The following SARAF variants were observed in gnomAD, a reference collection of about 807,000 sequenced individuals.
SARAF encodes store-operated calcium entry associated regulatory factor.
Under a neutral mutation model 39.7 loss-of-function variants are expected in SARAF, and 23 were observed. The observed-to-expected ratio is 0.58, with a 90% CI of 0.42 to 0.82. SARAF has a LOEUF of 0.82. Among genes scored for constraint, SARAF ranks in the 40% least tolerant of loss-of-function variants. The pLI, the probability that SARAF is intolerant of heterozygous loss-of-function variation, is 0.00. For missense variants in SARAF, 384 were observed against 418.5 expected (o/e 0.92, Z 0.72); for synonymous variants, 175 against 168.5 (o/e 1.04, Z -0.30).
At chr8:30,076,626 TGCAACAGTGTTGAA>T (rs1006129134) in intron 1 of SARAF, among the ~76,000 whole-genome samples, 5 of 152,234 alleles carry the variant, frequency 3.3e-5, no homozygotes, top group African/African-American at 1.2e-4. Context: ...TAATCCCCAA[TGCAACAGTGTTGAA>T]AGATGGAATC....
upstream of SARAF, chr8:30,083,091 C>T: frequency 1.7e-6 from 1 of 572,080 alleles, no homozygotes; most frequent in Non-Finnish European, 3.0e-6. Context: ...GCAGCCGCAA[C>T]GGATCCGTGC....
intron 2 of SARAF, among the ~76,000 whole-genome samples, chr8:30,073,359 C>CAA (rs1801887171): frequency 6.6e-6 from 1 of 152,152 alleles, no homozygotes; most frequent in African/African-American, 2.4e-5. Flanking sequence ...ATGCTCTGCT[C>CAA]GTATACAAAA....
chr8:30,081,010 A>C (rs2117446534), intron 1 of SARAF, among the ~76,000 whole-genome samples: 3 of 152,250 alleles, frequency 2.0e-5, no homozygotes, highest in Middle Eastern at 6.8e-3. Context: ...ATGGTGGCAC[A>C]TGCCTGTAAT....
chr8:30,069,134 A>ATTTTTTTTTTTTTTTTTTTTTTTTTTTTT (rs36096551), intron 3 of SARAF, among the ~76,000 whole-genome samples: 1 of 97,830 alleles, frequency 1.0e-5, no homozygotes, highest in Non-Finnish European at 1.8e-5. Context: ...TTAATCAGGC[A>ATTTTTTTTTTTTTTTTTTTTTTTTTTTTT]TTTTTTTTTT....
At position 30,063,693 on chromosome 8, in the gene SARAF, A is replaced by T; in HGVS notation, c.*195T>A. ...CATCTGCATGTTACACTGACATACA[A>T]CACATAAGTATTTTGTCACACATCA... On this transcript the variant is annotated 3_prime_UTR_variant, in exon 6 of 6. Transcript: ENST00000256255. The T allele has an allele frequency of 1.6e-6, 1 of 608,288 alleles. No individual in the cohort carries two copies. Among genetic ancestry groups the T allele is most frequent in the Non-Finnish European group, 2.9e-6 (1 of 342,072 alleles). 37.7% of individuals were successfully genotyped at this position (608,288 alleles called of 1,614,324 possible).
intron 5 of SARAF, among the ~76,000 whole-genome samples, chr8:30,064,629 C>T (rs1401206526): frequency 1.5e-5 from 2 of 134,254 alleles, no homozygotes; most frequent in African/African-American, 5.7e-5. Flanking sequence ...ATGGTGCAAT[C>T]TCGGCTCACT....
At position 30,083,064 on chromosome 8, in the gene SARAF, G is replaced by T. The variant is rs1405889971; in HGVS notation, c.-115C>A. ...CTACCCCTGGCGGCGGCGAAGGAACGGCCCGACTGCAGAGCTGCAGCCGCA... is the reference window on the plus strand; with the variant it reads ...CTACCCCTGGCGGCGGCGAAGGAACTGCCCGACTGCAGAGCTGCAGCCGCA... On this transcript the variant is annotated 5_prime_UTR_variant, in exon 1 of 6. Transcript: ENST00000256255. 4 of 728,608 alleles carry T rather than the reference G, an allele frequency of 5.5e-6. No homozygotes were observed. The highest frequency in any genetic ancestry group is 3.3e-5 in the East Asian group (1 of 30,496). 45.1% of individuals were successfully genotyped at this position (728,608 alleles called of 1,614,324 possible).
intron 4 of SARAF, among the ~76,000 whole-genome samples, chr8:30,066,362 G>A (rs1801694130): frequency 6.6e-6 from 1 of 152,264 alleles, no homozygotes; most frequent in South Asian, 2.1e-4. Flanking sequence ...TGCTCTTTCT[G>A]AATTTGCACT....
chr8:30,071,536 TCA>T (rs1801843809), intron 2 of SARAF, among the ~76,000 whole-genome samples: 1 of 152,250 alleles, frequency 6.6e-6, no homozygotes, highest in South Asian at 2.1e-4. Context: ...TTTAGTATAT[TCA>T]CAGTTGTGCT....
At chr8:30,081,532 T>C (rs922509482) in intron 1 of SARAF, among the ~76,000 whole-genome samples, 4 of 152,226 alleles carry the variant, frequency 2.6e-5, no homozygotes, top group African/African-American at 9.6e-5. Flanking sequence ...TAATAAAATG[T>C]CCACATCAAA....
At chr8:30,073,065 T>C (rs1801880856) in intron 2 of SARAF, among the ~76,000 whole-genome samples, 2 of 152,190 alleles carry the variant, frequency 1.3e-5, no homozygotes, top group African/African-American at 2.4e-5. Context: ...TGATTCAACT[T>C]AGCAGTACTG....
intron 1 of SARAF, among the ~76,000 whole-genome samples, chr8:30,076,734 A>G (rs998023995): frequency 2.6e-5 from 4 of 152,128 alleles, no homozygotes; most frequent in African/African-American, 9.7e-5. Flanking sequence ...ACTCCTGATA[A>G]AAGGATGAGT....
Position 30,082,902 on chromosome 8 carries a change from G to A in SARAF, c.48C>T (p.Leu16=). The change falls in exon 1 of 6, where the codon CTC becomes CTT. Residue 16 remains leucine (L), a synonymous_variant. Coordinates refer to ENST00000256255, the MANE Select transcript of SARAF (RefSeq NM_016127.6). Reference sequence around the variant, plus strand: ...CGGTCAGCAGAAACAAATGCAAGCCGAGGAGCAAGCAGTACCCGGCCGCTC... The same window carrying A: ...CGGTCAGCAGAAACAAATGCAAGCCAAGGAGCAAGCAGTACCCGGCCGCTC... The part of the protein sequence containing the change: ...GPGAAGYCLL[L]GLHLFLLTAG... 11 of 1,562,922 alleles carry A rather than the reference G, an allele frequency of 7.0e-6. No individual in the cohort carries two copies. The highest frequency in any genetic ancestry group is 2.4e-5 in the South Asian group (2 of 84,970).
At chr8:30,074,734 G>C (rs934661346) in intron 1 of SARAF, among the ~76,000 whole-genome samples, 1 of 152,152 alleles carries the variant, frequency 6.6e-6, no homozygotes, top group African/African-American at 2.4e-5. Flanking sequence ...AGAAAGAAAA[G>C]AGATTTTAGC....
intron 1 of SARAF, chr8:30,082,284 G>C (rs909450036): frequency 3.9e-5 from 6 of 152,026 alleles, no homozygotes; most frequent in African/African-American, 1.5e-4. Flanking sequence ...GTTGCAGTGA[G>C]CCGAGATCAC....
chr8:30,076,254 C>T (rs1222955884), intron 1 of SARAF, among the ~76,000 whole-genome samples: 1 of 152,152 alleles, frequency 6.6e-6, no homozygotes, highest in East Asian at 1.9e-4. Context: ...AACAGGGAAC[C>T]CAAGTGACTG....
chr8:30,065,070 C>T (rs898402399), intron 5 of SARAF, among the ~76,000 whole-genome samples: 7 of 152,160 alleles, frequency 4.6e-5, no homozygotes, highest in African/African-American at 1.4e-4. Context: ...TTGCACACAA[C>T]TACTTATTCT....
At chr8:30,081,774 C>A (rs1386364163) in intron 1 of SARAF, among the ~76,000 whole-genome samples, 1 of 150,206 alleles carries the variant, frequency 6.7e-6, no homozygotes, top group Non-Finnish European at 1.5e-5. Context: ...CAGCATGCGT[C>A]ATTTATTACA....
At chr8:30,081,032 G>A (rs1313705290) in intron 1 of SARAF, among the ~76,000 whole-genome samples, 5 of 152,110 alleles carry the variant, frequency 3.3e-5, no homozygotes, top group Admixed American at 1.3e-4. Context: ...CCAGCTACTC[G>A]GGAGGCTGAG....
Sources: allele counts gnomAD v4.1 joint callset (sites outside exome capture counted in the v4.1 genomes callset), GRCh38; gene constraint gnomAD v4.1.1; transcripts MANE v1.5; gene names NCBI Gene and HGNC (gene_info 2026-07-23, HGNC 2026-07-21).